The following OR2A14 variants were observed in gnomAD, a reference collection of about 807,000 sequenced individuals.
OR2A14 encodes olfactory receptor 2A14.
Under a neutral mutation model 2.4 loss-of-function variants are expected in OR2A14, and 2 were observed. That is an observed-to-expected ratio of 0.85 (90% CI 0.35 to 2.67). The LOEUF (loss-of-function observed/expected upper bound fraction) is 2.67. Among genes scored for constraint, OR2A14 ranks in the 30% most tolerant of loss-of-function variants. OR2A14 has a pLI of 0.10. For missense variants in OR2A14, 390 were observed against 379.4 expected, an observed-to-expected ratio of 1.03 and a Z score of -0.23; for synonymous variants, 160 against 156.3, an observed-to-expected ratio of 1.02 and a Z score of -0.18.
Position 144,129,416 on chromosome 7 carries a change from T to G in OR2A14, c.304T>G (p.Leu102Val). 1.2e-6 allele frequency: 2 copies of G among 1,614,196 alleles called. No homozygotes were observed. The highest frequency in any genetic ancestry group is 1.7e-6 in the Non-Finnish European group (2 of 1,180,020). ...SFFPCIMQTF[L>V]YLAFAHVECL... is the part of the protein sequence containing the mutation. ...TTTTCCATGCATAATGCAGACATTC[T>G]TGTATTTGGCTTTTGCTCACGTAGA... Residue 102 changes from leucine to valine, a missense_variant, in exon 2 of 2, where the codon TTG becomes GTG. Coordinates refer to ENST00000641068, the MANE Select transcript of OR2A14 (RefSeq NM_001001659.3).
At position 144,130,048 on chromosome 7, in the gene OR2A14, C is replaced by G; in HGVS notation, c.*3C>G. 1 of 1,606,854 alleles carries G rather than the reference C, an allele frequency of 6.2e-7. No individual in the cohort carries two copies. Among genetic ancestry groups the G allele is most frequent in the Non-Finnish European group, 8.5e-7 (1 of 1,175,500 alleles). ...TGAGGAAGGAGAGGCTGACGTGAGA[C>G]ATCTCAAAGGGAACCATGGGGAGGG... On this transcript the variant is annotated 3_prime_UTR_variant, in exon 2 of 2. Transcript: ENST00000641068.
chr7:144,130,041 C>T lies in OR2A14; in HGVS notation c.929C>T (p.Thr310Met), dbSNP rs192624937. The change falls in exon 2 of 2, where the codon ACG (threonine) becomes ATG (methionine). Residue 310 changes from threonine to methionine, a missense_variant. Physicochemically the swap from Thr to Met is moderately conservative, Grantham distance 81. Transcript: ENST00000641068. ...LRRALRKERL[T>M] ...AGGGCACTGAGGAAGGAGAGGCTGA[C>T]GTGAGACATCTCAAAGGGAACCATG... 3.9e-4 allele frequency: 629 copies of T among 1,607,974 alleles called. No homozygotes were observed. In the African/African-American group the frequency reaches 6.3e-3, roughly 16 times the overall value.
At chr7:144,124,245 C>T (rs986123437) in intron 1 of OR2A14, among the ~76,000 whole-genome samples, 1 of 152,078 alleles carries the variant, frequency 6.6e-6, no homozygotes, top group African/African-American at 2.4e-5. Context: ...GGCAGATCAC[C>T]TGAGGTCAGG....
chr7:144,128,371 A>T (rs2051498156), intron 1 of OR2A14, among the ~76,000 whole-genome samples: 1 of 152,192 alleles, frequency 6.6e-6, no homozygotes. Context: ...TATTTCACTC[A>T]TGCCTAATTT....
At chr7:144,125,040 C>T (rs1056522073) in intron 1 of OR2A14, among the ~76,000 whole-genome samples, 1 of 152,172 alleles carries the variant, frequency 6.6e-6, no homozygotes, top group Non-Finnish European at 1.5e-5. Flanking sequence ...TCATTAGTAA[C>T]AGCTGACATT....
At chr7:144,127,235 A>ATAT (rs565165988) in intron 1 of OR2A14, among the ~76,000 whole-genome samples, 57 of 152,348 alleles carry the variant, frequency 3.7e-4, no homozygotes, top group African/African-American at 1.2e-3. Context: ...AGGGATATAC[A>ATAT]AAATACAAAT....
rs906340581 is a variant in OR2A14, at chr7:144,123,247, A to C, written c.-52A>C. The C allele has an allele frequency of 3.3e-5, 5 of 152,140 alleles. No homozygotes were observed. The highest frequency in any genetic ancestry group is 9.7e-5 in the African/African-American group (4 of 41,418). 9.4% of individuals were successfully genotyped at this position (152,140 alleles called of 1,614,324 possible). Reference sequence around the variant, plus strand: ...GCCCAAGGGTATGTTAGAAGAAAAGACCACAGATTATTGTACTGTAAGTAA... The same window carrying C: ...GCCCAAGGGTATGTTAGAAGAAAAGCCCACAGATTATTGTACTGTAAGTAA... On this transcript the variant is annotated 5_prime_UTR_variant, in exon 1 of 2. Coordinates refer to ENST00000641068, the MANE Select transcript of OR2A14 (RefSeq NM_001001659.3).
chr7:144,128,892 A>T (rs977926726), intron 1 of OR2A14, among the ~76,000 whole-genome samples, 187 bp from the exon 2 acceptor site: 3 of 152,242 alleles, frequency 2.0e-5, no homozygotes, highest in African/African-American at 4.8e-5. Context: ...ACACATACAC[A>T]CACAAATATA....
intron 1 of OR2A14, among the ~76,000 whole-genome samples, chr7:144,125,621 C>G (rs2051477298): frequency 6.6e-6 from 1 of 152,206 alleles, no homozygotes; most frequent in African/African-American, 2.4e-5. Flanking sequence ...CTTGTGGCCT[C>G]TTGTACACAA....
At position 144,129,144 on chromosome 7, in the gene OR2A14, T is replaced by C. The variant is rs960111843; in HGVS notation, c.32T>C (p.Ile11Thr). The change falls in exon 2 of 2, where the codon ATC becomes ACC. Residue 11 changes from isoleucine (I) to threonine (T), a missense_variant. By Grantham distance (89) the Ile-to-Thr change is moderately conservative. Coordinates refer to ENST00000641068, the MANE Select transcript of OR2A14 (RefSeq NM_001001659.3). MEGNKTWITD[I>T]TLPRFQVGPA... ...GGCAACAAGACATGGATCACAGACA[T>C]CACCTTGCCGCGATTCCAGGTTGGT... is the stretch of plus-strand genomic sequence containing the variant. 2 of 1,612,126 alleles carry C rather than the reference T, an allele frequency of 1.2e-6. No individual in the cohort carries two copies. The highest frequency in any genetic ancestry group is 1.7e-6 in the Non-Finnish European group (2 of 1,179,926).
chr7:144,123,704 G>A (rs530435316), intron 1 of OR2A14, among the ~76,000 whole-genome samples: 64 of 152,318 alleles, frequency 4.2e-4, no homozygotes, highest in Non-Finnish European at 7.2e-4. Flanking sequence ...ACCCAGGGAT[G>A]TATCCTCCTT....
Position 144,129,238 on chromosome 7 carries a change from G to A in OR2A14, c.126G>A (p.Gly42=), listed in dbSNP as rs1285925704. ...AFYTLTLLGN[G]VIFGIICLDC... ...ATACACTCACCCTGCTGGGGAATGG[G>A]GTCATCTTTGGGATTATCTGCCTGG... Residue 42 remains glycine, a synonymous_variant, in exon 2 of 2, where the codon GGG becomes GGA. Transcript: ENST00000641068. 2 of 1,613,772 alleles carry A rather than the reference G, an allele frequency of 1.2e-6. No homozygotes were observed. The highest frequency in any genetic ancestry group is 3.3e-5 in the Admixed American group (2 of 59,990).
In OR2A14 at chr7:144,129,751, G is replaced by A. The variant is rs2051515554; in HGVS notation, c.639G>A (p.Val213=). The A allele has an allele frequency of 6.2e-7, 1 of 1,614,022 alleles. No homozygotes were observed. ...VFILVGPLCL[V]LVSYLRILAA... ...TCCTGGTGGGGCCACTCTGCCTGGT[G>A]CTGGTCTCCTACTTGCGCATCCTGG... The change falls in exon 2 of 2, where the codon GTG becomes GTA. Residue 213 remains valine (V), a synonymous_variant. Transcript: ENST00000641068.
Position 144,129,149 on chromosome 7 carries a change from T to G in OR2A14, c.37T>G (p.Leu13Val). Residue 13 changes from leucine to valine, a missense_variant, in exon 2 of 2, where the codon TTG (leucine) becomes GTG (valine). Leu to Val is a conservative substitution (Grantham distance 32). Transcript: ENST00000641068. ...GNKTWITDIT[L>V]PRFQVGPALE... ...CAAGACATGGATCACAGACATCACC[T>G]TGCCGCGATTCCAGGTTGGTCCAGC... 2 of 1,612,230 alleles carry G rather than the reference T, an allele frequency of 1.2e-6. No individual in the cohort carries two copies. The highest frequency in any genetic ancestry group is 2.2e-5 in the South Asian group (2 of 91,050).
In OR2A14 at chr7:144,129,853, G is replaced by A. The variant is rs1292692086; in HGVS notation, c.741G>A (p.Val247=). The change falls in exon 2 of 2, where the codon GTG becomes GTA. Residue 247 remains valine (V), a synonymous_variant. Coordinates refer to ENST00000641068, the MANE Select transcript of OR2A14 (RefSeq NM_001001659.3). ...CCTGCTCCTCCCACCTTTGCGTGGT[G>A]GGACTCTTCTTTGGCAGCGCCATTG... The part of the protein sequence containing the change: ...FSTCSSHLCV[V]GLFFGSAIVT... 1.2e-6 allele frequency: 2 copies of A among 1,614,090 alleles called. No homozygotes were observed. Among genetic ancestry groups the A allele is most frequent in the Non-Finnish European group, 1.7e-6 (2 of 1,180,046 alleles).
chr7:144,124,293 T>A (rs1049778962), intron 1 of OR2A14, among the ~76,000 whole-genome samples: 1 of 151,908 alleles, frequency 6.6e-6, no homozygotes, highest in Non-Finnish European at 1.5e-5. Flanking sequence ...AGAAACCCCA[T>A]CTCTAATAAA....
At chr7:144,125,279 A>G (rs935377915) in intron 1 of OR2A14, among the ~76,000 whole-genome samples, 3 of 152,174 alleles carry the variant, frequency 2.0e-5, no homozygotes, top group African/African-American at 7.2e-5. Flanking sequence ...TGTCACTGCT[A>G]AATTTGCTTT....
chr7:144,128,790 C>CA (rs2128807289), intron 1 of OR2A14, among the ~76,000 whole-genome samples: 1 of 152,272 alleles, frequency 6.6e-6, no homozygotes, highest in Non-Finnish European at 1.5e-5. Flanking sequence ...TTGAGTTCTT[C>CA]AAAATAACAC....
chr7:144,128,687 T>C (rs1345311372), intron 1 of OR2A14, among the ~76,000 whole-genome samples: 1 of 152,312 alleles, frequency 6.6e-6, no homozygotes, highest in East Asian at 1.9e-4. Context: ...GATGAGCAAG[T>C]GAAACCACCT....
Sources: allele counts gnomAD v4.1 joint callset (sites outside exome capture counted in the v4.1 genomes callset), GRCh38; gene constraint gnomAD v4.1.1; transcripts MANE v1.5; gene names NCBI Gene and HGNC (gene_info 2026-07-23, HGNC 2026-07-21).